The following DNAH14 variants were observed in gnomAD, a reference collection of about 807,000 sequenced individuals.
The protein encoded by DNAH14 is dynein axonemal heavy chain 14, also known as axonemal beta dynein heavy chain 14.
DNAH14 carries 478 observed loss-of-function variants against 520.9 expected under a neutral mutation model. That is an observed-to-expected ratio of 0.92 (90% CI 0.85 to 0.99). DNAH14 has a LOEUF of 0.99. Ranked by LOEUF, DNAH14 falls within the 50% of genes least tolerant of loss-of-function variation. The probability of loss-of-function intolerance (pLI) is 0.00; values close to 1 mark genes in which losing one functional copy is unlikely to be tolerated. For synonymous variants in DNAH14, 1,581 were observed against 1,757.2 expected, an observed-to-expected ratio of 0.90 and a Z score of 2.51; for missense variants, 4,831 against 5,234.5, an observed-to-expected ratio of 0.92 and a Z score of 2.38.
intron 76 of DNAH14, among the ~76,000 whole-genome samples, chr1:225,365,130 A>G (rs1163327312): frequency 6.6e-6 from 1 of 152,098 alleles, no homozygotes; most frequent in Non-Finnish European, 1.5e-5. Context: ...AGGATGTTAG[A>G]CCTCCAATTA....
At chr1:224,948,845 C>T (rs2060002348) in intron 1 of DNAH14, among the ~76,000 whole-genome samples, 1 of 152,140 alleles carries the variant, frequency 6.6e-6, no homozygotes, top group Non-Finnish European at 1.5e-5. Context: ...TAGTTCTGGT[C>T]ATTCCCCCTC....
chr1:225,111,246 A>C (rs540470098), intron 23 of DNAH14, among the ~76,000 whole-genome samples: 11 of 151,968 alleles, frequency 7.2e-5, no homozygotes, highest in African/African-American at 1.9e-4. Context: ...ATTGTGGTCT[A>C]TCTCTCTCTT....
chr1:225,250,019 G>C (rs566471442), intron 43 of DNAH14, among the ~76,000 whole-genome samples: 1 of 152,302 alleles, frequency 6.6e-6, no homozygotes, highest in African/African-American at 2.4e-5. Context: ...GGACTATTAT[G>C]GATAATGCTT....
At chr1:224,947,449 A>G (rs936217275) in intron 1 of DNAH14, among the ~76,000 whole-genome samples, 2 of 152,136 alleles carry the variant, frequency 1.3e-5, no homozygotes, top group African/African-American at 4.8e-5. Flanking sequence ...AAAACTGTTG[A>G]GATTCTGATC....
chr1:224,952,781 TA>T lies in DNAH14; in HGVS notation c.77+6del. Reference sequence around the variant, plus strand: ...GGAGGAAACCAAGACAAAACCAAGGTAAAAGTAAGATAAAATATAATGAGTT... The same window carrying T: ...GGAGGAAACCAAGACAAAACCAAGGTAAAGTAAGATAAAATATAATGAGTT... On this transcript the variant is annotated splice_donor_region_variant and intron_variant, in intron 2 of 85. Coordinates refer to ENST00000682510, the MANE Select transcript of DNAH14 (RefSeq NM_001367479.1). The T allele has an allele frequency of 6.3e-7, 1 of 1,579,718 alleles. No homozygotes were observed. The highest frequency in any genetic ancestry group is 8.6e-7 in the Non-Finnish European group (1 of 1,163,642).
intron 8 of DNAH14, among the ~76,000 whole-genome samples, chr1:224,982,903 C>CTGA (rs1216534821): frequency 2.6e-5 from 4 of 152,092 alleles, no homozygotes; most frequent in African/African-American, 7.2e-5. Context: ...GTTCCATGGG[C>CTGA]TGTTGAATAG....
intron 10 of DNAH14, among the ~76,000 whole-genome samples, chr1:225,022,527 C>T (rs2065791642): frequency 6.6e-6 from 1 of 151,990 alleles, no homozygotes; most frequent in African/African-American, 2.4e-5. Context: ...TTAGAGAAAT[C>T]CAAATCAAAA....
intron 17 of DNAH14, among the ~76,000 whole-genome samples, chr1:225,058,114 C>T (rs565590313): frequency 4.6e-4 from 70 of 152,236 alleles, no homozygotes; most frequent in African/African-American, 1.7e-3. Flanking sequence ...GGTACCAGCT[C>T]CTCCTTGTAT....
chr1:225,240,551 TA>T lies in DNAH14; in HGVS notation c.6519-37del. Reference sequence around the variant, plus strand: ...AAATTTCTATTCTTAAACTGCTTTCTAAAAATGTTAACCTTCATCCTTCCAT... The same window carrying T: ...AAATTTCTATTCTTAAACTGCTTTCTAAAATGTTAACCTTCATCCTTCCAT... On this transcript the variant is annotated intron_variant, in intron 42 of 85. Coordinates refer to ENST00000682510, the MANE Select transcript of DNAH14 (RefSeq NM_001367479.1). 3.3e-6 allele frequency: 4 copies of T among 1,225,196 alleles called. No homozygotes were observed. In the South Asian group the frequency reaches 4.5e-5, roughly 14 times the overall value. The allele number at this position is 1,225,196 out of a possible 1,614,324, so 75.9% of individuals were successfully genotyped here. A position where few individuals can be genotyped will look rare whatever the true frequency, so the allele number is the denominator to read the frequency against.
At chr1:224,978,967 T>A (rs1484286139) in intron 8 of DNAH14, among the ~76,000 whole-genome samples, 1 of 152,162 alleles carries the variant, frequency 6.6e-6, no homozygotes, top group Non-Finnish European at 1.5e-5. Flanking sequence ...TTGAATGTTA[T>A]CAAGTCAAAG....
At chr1:224,975,912 T>A (rs902311062) in intron 8 of DNAH14, among the ~76,000 whole-genome samples, 13 of 152,176 alleles carry the variant, frequency 8.5e-5, no homozygotes, top group African/African-American at 3.1e-4. Flanking sequence ...TCCCAGAGAT[T>A]CTGGTATGTT....
In DNAH14 at chr1:225,051,715, C is replaced by T. The variant is rs1259673665; in HGVS notation, c.2344C>T (p.Leu782=). 1 of 1,551,078 alleles carries T rather than the reference C, an allele frequency of 6.4e-7. No homozygotes were observed. Among genetic ancestry groups the T allele is most frequent in the East Asian group, 2.5e-5 (1 of 40,796 alleles). The change falls in exon 17 of 86, where the codon CTG becomes TTG. Residue 782 remains leucine, a synonymous_variant. Coordinates refer to ENST00000682510, the MANE Select transcript of DNAH14 (RefSeq NM_001367479.1). ...VSLDYQSECL[L]YIDNVIHMSH... ...TCTTGATTATCAATCAGAATGCTTA[C>T]TGTATATTGACAACGTCATACATAT...
At chr1:225,298,560 T>C (rs1223433750) in intron 55 of DNAH14, among the ~76,000 whole-genome samples, 2 of 152,138 alleles carry the variant, frequency 1.3e-5, no homozygotes, top group African/African-American at 4.8e-5. Context: ...GGTTGTGGCA[T>C]ATAGACACCC....
chr1:225,000,182 T>G (rs1419588082), intron 8 of DNAH14, among the ~76,000 whole-genome samples: 2 of 152,186 alleles, frequency 1.3e-5, no homozygotes, highest in African/African-American at 4.8e-5. Context: ...GATATAGGAT[T>G]CTGGGTTGAC....
At chr1:225,389,704 ACC>A in intron 82 of DNAH14, 28 bp from the exon 83 acceptor site, 1 of 1,550,644 alleles carries the variant, frequency 6.4e-7, no homozygotes, top group African/African-American at 1.4e-5. Context: ...TATGCCCTTA[ACC>A]CCCAACCTGT....
intron 40 of DNAH14, 99 bp downstream of exon 40, chr1:225,206,278 C>G: frequency 9.0e-7 from 1 of 1,111,224 alleles, no homozygotes; most frequent in Non-Finnish European, 1.2e-6. Flanking sequence ...TTATTTTTAC[C>G]TTTGTATCCA....
chr1:225,359,750 G>T (rs889054566), intron 74 of DNAH14, among the ~76,000 whole-genome samples: 1 of 152,160 alleles, frequency 6.6e-6, no homozygotes, highest in Non-Finnish European at 1.5e-5. Flanking sequence ...TCATATTCAC[G>T]TTCCAAACAA....
In DNAH14 at chr1:225,346,166, A is replaced by C. The variant is rs1010458476; in HGVS notation, c.10883A>C (p.Gln3628Pro). The change falls in exon 70 of 86, where the codon CAG becomes CCG. Residue 3628 changes from glutamine (Q) to proline (P), a missense_variant. Transcript: ENST00000682510. ...CTCACACAAATCAACTACATGTACC[A>C]GTTCTCCCTAGACTGGTTTCATCAG... is the stretch of plus-strand genomic sequence containing the variant. ...ADLTQINYMY[Q>P]FSLDWFHQVF... is the part of the protein sequence containing the mutation. The C allele has an allele frequency of 1.9e-6, 3 of 1,551,528 alleles. No individual in the cohort carries two copies. The African/African-American group carries it at 4.1e-5, about 21-fold the overall frequency.
intron 9 of DNAH14, among the ~76,000 whole-genome samples, chr1:225,004,516 T>G (rs2064018148): frequency 6.6e-6 from 1 of 152,182 alleles, no homozygotes; most frequent in Non-Finnish European, 1.5e-5. Context: ...AATATATATT[T>G]GATTTGAAAG....
Sources: gnomAD v4.1 joint callset for allele counts (sites outside exome capture counted in the v4.1 genomes callset) on GRCh38, gnomAD v4.1.1 for gene constraint, MANE v1.5 for transcripts, NCBI Gene and HGNC (gene_info 2026-07-23, HGNC 2026-07-21) for gene names.